MGAT4C: variants seen among roughly 807,000 people sequenced by gnomAD.
MGAT4C encodes the protein alpha-1,3-mannosyl-glycoprotein 4-beta-N-acetylglucosaminyltransferase C.
MGAT4C carries 19 observed loss-of-function variants against 40.1 expected under a neutral mutation model. The ratio of observed to expected loss-of-function variants is 0.47; its 90% CI spans 0.33 to 0.70. The LOEUF is 0.70. Ranked by LOEUF, MGAT4C falls within the 30% of genes least tolerant of loss-of-function variation. MGAT4C has a pLI of 0.02. For synonymous variants in MGAT4C, 181 were observed against 187.1 expected (o/e 0.97, Z 0.27); for missense variants, 491 against 563.2 (o/e 0.87, Z 1.30).
At chr12:86,827,178 T>G (rs972370975) in intron 1 of MGAT4C, among the ~76,000 whole-genome samples, 4 of 151,386 alleles carry the variant, frequency 2.6e-5, no homozygotes, top group African/African-American at 9.7e-5. Context: ...TTGAACCAAG[T>G]AAAGGCTGGC....
intron 1 of MGAT4C, among the ~76,000 whole-genome samples, chr12:86,772,630 C>A (rs946621109): frequency 3.3e-5 from 2 of 59,840 alleles, no homozygotes; most frequent in African/African-American, 8.0e-5. Context: ...GGACTGCTAC[C>A]ATGATGGTCC....
At position 86,494,267 on chromosome 12, in the gene MGAT4C, G is replaced by T. The variant is rs1958194829; in HGVS notation, c.-228-59002C>A. ...AAGTTTATCCAACTTTTTATTTATT[G>T]TTACTGTTTATATCACATTATTAAA... On this transcript the variant is annotated intron_variant, in intron 2 of 7. Transcript: ENST00000548651. Among the ~76,000 whole-genome samples, 8 of 151,188 alleles carry T rather than the reference G, an allele frequency of 5.3e-5. No homozygotes were observed. In the South Asian group the frequency reaches 1.5e-3, roughly 28 times the overall value.
At chr12:86,184,392 T>C (rs1888485025) in intron 1 of MGAT4C, among the ~76,000 whole-genome samples, 1 of 151,544 alleles carries the variant, frequency 6.6e-6, no homozygotes. Context: ...AAAAAAAGCT[T>C]TTACTTTTAT....
chr12:86,103,994 G>T (rs1414815174), intron 1 of MGAT4C, among the ~76,000 whole-genome samples: 9 of 151,994 alleles, frequency 5.9e-5, no homozygotes, highest in Non-Finnish European at 1.5e-5. Flanking sequence ...TCTTTTAAAA[G>T]ACCTCAAAAA....
intron 3 of MGAT4C, among the ~76,000 whole-genome samples, chr12:86,348,589 T>C (rs1284692953): frequency 6.6e-6 from 1 of 152,188 alleles, no homozygotes; most frequent in Non-Finnish European, 1.5e-5. Flanking sequence ...GGCACTTGAA[T>C]GATAGCTTGT....
intron 2 of MGAT4C, among the ~76,000 whole-genome samples, chr12:86,605,205 T>C (rs749477209): frequency 2.6e-5 from 4 of 152,094 alleles, no homozygotes; most frequent in Non-Finnish European, 5.9e-5. Context: ...CTAGATGCTT[T>C]GGGATATAAA....
chr12:86,119,510 T>C (rs1008140979), intron 1 of MGAT4C, among the ~76,000 whole-genome samples: 1 of 151,804 alleles, frequency 6.6e-6, no homozygotes, highest in Non-Finnish European at 1.5e-5. Context: ...TGGGTTTAAG[T>C]GATTCTTCTG....
At chr12:86,725,113 C>G (rs1476488720) in intron 2 of MGAT4C, among the ~76,000 whole-genome samples, 1 of 152,172 alleles carries the variant, frequency 6.6e-6, no homozygotes, top group Non-Finnish European at 1.5e-5. Context: ...GTCAAAACAT[C>G]TGAATATTAT....
Position 86,204,334 on chromosome 12 carries a change from CGTT to C in MGAT4C, c.-57+51902_-57+51904del, listed in dbSNP as rs549453139. Among the ~76,000 whole-genome samples the C allele has an allele frequency of 2.4e-3, 371 of 151,894 alleles. 1 individual carries two copies. The highest frequency in any genetic ancestry group is 3.6e-3 in the Non-Finnish European group (246 of 67,908). ...AATATTGATGATATAAAATAATTCT[CGTT>C]GTATATTTTGGAGTTCAAGAGTTCA... On this transcript the variant is annotated intron_variant, in intron 1 of 4. Transcript: ENST00000611864.
chr12:86,573,190 G>C (rs938825645), intron 2 of MGAT4C, among the ~76,000 whole-genome samples: 8 of 151,864 alleles, frequency 5.3e-5, no homozygotes, highest in Non-Finnish European at 1.0e-4. Flanking sequence ...CTGTCTCATG[G>C]TAAGTATACA....
At chr12:86,314,795 T>C (rs1954161615) in intron 4 of MGAT4C, among the ~76,000 whole-genome samples, 1 of 152,096 alleles carries the variant, frequency 6.6e-6, no homozygotes, top group South Asian at 2.1e-4. Context: ...TCTAAGTAGG[T>C]GAAAGATCTC....
At chr12:86,838,442 A>AT (rs1202088972) in intron 1 of MGAT4C, among the ~76,000 whole-genome samples, 1 of 152,160 alleles carries the variant, frequency 6.6e-6, no homozygotes, top group Non-Finnish European at 1.5e-5. Context: ...TTTTGTTGTG[A>AT]TTTTTTCTGT....
chr12:86,609,754 TAC>T (rs1387945753), intron 2 of MGAT4C, among the ~76,000 whole-genome samples: 3 of 150,948 alleles, frequency 2.0e-5, no homozygotes, highest in African/African-American at 4.9e-5. Flanking sequence ...GAGAAATATG[TAC>T]AGTTTTACCT....
intron 2 of MGAT4C, among the ~76,000 whole-genome samples, chr12:86,011,226 G>T (rs1210077381): frequency 1.3e-5 from 2 of 152,052 alleles, no homozygotes; most frequent in African/African-American, 2.4e-5. Flanking sequence ...AGATCAAGAG[G>T]CCAAAAATTG....
intron 2 of MGAT4C, among the ~76,000 whole-genome samples, chr12:86,530,493 TA>T (rs1958962720): frequency 6.6e-6 from 1 of 151,926 alleles, no homozygotes; most frequent in Non-Finnish European, 1.5e-5. Context: ...TCCCTAAAAA[TA>T]AATAGTATGC....
intron 4 of MGAT4C, among the ~76,000 whole-genome samples, chr12:86,278,264 C>T (rs1456477790): frequency 6.9e-6 from 1 of 144,192 alleles, no homozygotes; most frequent in African/African-American, 2.5e-5. Flanking sequence ...CTGTAACCTC[C>T]GCCTCCTGGA....
intron 2 of MGAT4C, among the ~76,000 whole-genome samples, chr12:86,701,289 G>C (rs1950359198): frequency 6.6e-6 from 1 of 151,756 alleles, no homozygotes; most frequent in African/African-American, 2.4e-5. Context: ...ACAATTCTAT[G>C]ATGCCGTTTT....
intron 2 of MGAT4C, among the ~76,000 whole-genome samples, chr12:86,629,748 A>C (rs958603487): frequency 9.9e-5 from 15 of 152,224 alleles, no homozygotes; most frequent in Non-Finnish European, 2.1e-4. Context: ...GGACACATTT[A>C]AAGCAGTGTG....
chr12:86,762,059 T>TA (rs1320249630), intron 1 of MGAT4C, among the ~76,000 whole-genome samples: 1 of 151,820 alleles, frequency 6.6e-6, no homozygotes, highest in East Asian at 1.9e-4. Context: ...CTGCACTTTT[T>TA]TTTTTTTTCT....
Sources: allele counts gnomAD v4.1 joint callset (sites outside exome capture counted in the v4.1 genomes callset), GRCh38; gene constraint gnomAD v4.1.1; transcripts MANE v1.5; gene names NCBI Gene and HGNC (gene_info 2026-07-23, HGNC 2026-07-21).